MCC: variants seen among roughly 807,000 people sequenced by gnomAD.
MCC encodes colorectal mutant cancer protein.
MCC carries 90 observed loss-of-function variants against 116.2 expected under a neutral mutation model. The observed-to-expected ratio is 0.77, with a 90% confidence interval of 0.65 to 0.92. The LOEUF (loss-of-function observed/expected upper bound fraction) is 0.92, where lower values mean the gene tolerates loss of function less well. Ranked by LOEUF, MCC falls within the 40% of genes least tolerant of loss-of-function variation. The pLI is 0.00. For synonymous variants in MCC, 578 were observed against 510.5 expected (o/e 1.13, Z -1.78); for missense variants, 1,516 against 1,312.2 (o/e 1.16, Z -2.40).
chr5:113,455,061 C>A lies in MCC; in HGVS notation c.170+33184G>T, dbSNP rs7708265. The stretch of plus-strand genomic sequence containing the variant: ...AAGCATTTTATGTGCACTCCCTTTC[C>A]ACCTGTTTGCTTATCCTCCCACCGC... On this transcript the variant is annotated intron_variant, in intron 1 of 18. Transcript: ENST00000408903. 1.4e-3 allele frequency among the ~76,000 whole-genome samples: 218 copies of A among 152,266 alleles called. 1 individual carries two copies. The highest frequency in any genetic ancestry group is 5.0e-3 in the African/African-American group (208 of 41,548).
rs1186073705 is a variant in MCC at position 113,161,906 on chromosome 5, CG to C, written c.628-10485del. Reference sequence around the variant, plus strand: ...ATCAGTTTTAAAATGCTTGATGCCACGGCATGCTCCGTTTCAGGGAAGGCCC... The same window carrying C: ...ATCAGTTTTAAAATGCTTGATGCCACGCATGCTCCGTTTCAGGGAAGGCCC... On this transcript the variant is annotated intron_variant, in intron 3 of 18. Transcript: ENST00000408903. Among the ~76,000 whole-genome samples the C allele has an allele frequency of 2.0e-5, 3 of 152,204 alleles. No homozygotes were observed. In the East Asian group the frequency reaches 5.8e-4, roughly 29 times the overall value.
Position 113,070,044 on chromosome 5 carries a change from A to G in MCC, c.1925+1050T>C, listed in dbSNP as rs1208436156. Among the ~76,000 whole-genome samples the G allele has an allele frequency of 2.0e-5, 3 of 152,278 alleles. No individual in the cohort carries two copies. The South Asian group carries it at 6.2e-4, about 32-fold the overall frequency. ...TGAGGTTGTACTAATGTGGAGAAAG[A>G]CCTTTCTGCTCAAAGGCAGATTGTG... On this transcript the variant is annotated intron_variant, in intron 12 of 18. Transcript: ENST00000408903.
intron 3 of MCC, among the ~76,000 whole-genome samples, chr5:113,215,870 A>G (rs1763295760): frequency 6.6e-6 from 1 of 152,204 alleles, no homozygotes; most frequent in Non-Finnish European, 1.5e-5. Flanking sequence ...TCATTCTACA[A>G]ATATTTAGTA....
chr5:113,103,214 T>C (rs1276472388), intron 7 of MCC, among the ~76,000 whole-genome samples: 2 of 152,188 alleles, frequency 1.3e-5, no homozygotes, highest in African/African-American at 4.8e-5. Flanking sequence ...TGGATGCTCA[T>C]GTTGGTTCTC....
intron 3 of MCC, among the ~76,000 whole-genome samples, chr5:113,272,802 T>A (rs556981651): frequency 6.6e-6 from 1 of 152,338 alleles, no homozygotes; most frequent in South Asian, 2.1e-4. Flanking sequence ...TTATGGGACA[T>A]TACTCTGCTA....
intron 3 of MCC, among the ~76,000 whole-genome samples, chr5:113,325,958 T>A (rs1484485224): frequency 6.6e-6 from 1 of 152,174 alleles, no homozygotes; most frequent in African/African-American, 2.4e-5. Context: ...CTGTAAAAAG[T>A]AATCTGAGAT....
At position 113,444,587 on chromosome 5, in the gene MCC, G is replaced by A. The variant is rs180827844; in HGVS notation, c.170+43658C>T. 3.6e-3 allele frequency among the ~76,000 whole-genome samples: 550 copies of A among 151,092 alleles called. 4 individuals carry two copies. The highest frequency in any genetic ancestry group is 6.6e-3 in the Non-Finnish European group (447 of 67,700). On this transcript the variant is annotated intron_variant, in intron 1 of 18. Transcript: ENST00000408903. Reference sequence around the variant, plus strand: ...AGAACAATTAAGGGAAGGGTAGATCGCCACCTACGTGGTATTTGGCCTTCA... The same window carrying A: ...AGAACAATTAAGGGAAGGGTAGATCACCACCTACGTGGTATTTGGCCTTCA...
Position 113,049,179 on chromosome 5 carries a change from G to C in MCC, c.2569C>G (p.Leu857Val). Residue 857 changes from leucine to valine, a missense_variant, in exon 16 of 19, where the codon CTG becomes GTG. Leu to Val is a conservative substitution (Grantham distance 32). Coordinates refer to ENST00000408903, the MANE Select transcript of MCC (RefSeq NM_001085377.2). ...TTCTGCTCCTCCACCTCGGACTTCA[G>C]GTGCTCAATGTGCACCAGGTAGGCC... ...EQAYLVHIEH[L>V]KSEVEEQKEQ... 6.2e-7 allele frequency: 1 copy of C among 1,614,212 alleles called. No individual in the cohort carries two copies. Among genetic ancestry groups the C allele is most frequent in the Non-Finnish European group, 8.5e-7 (1 of 1,180,036 alleles).
intron 6 of MCC, among the ~76,000 whole-genome samples, chr5:113,118,116 T>C (rs1757496556): frequency 6.6e-6 from 1 of 152,212 alleles, no homozygotes; most frequent in African/African-American, 2.4e-5. Context: ...ATTTTACAGA[T>C]GAAGAGACCT....
At chr5:113,211,629 G>C (rs980831588) in intron 3 of MCC, among the ~76,000 whole-genome samples, 6 of 152,220 alleles carry the variant, frequency 3.9e-5, no homozygotes, top group African/African-American at 1.4e-4. Context: ...AACAGGCTCA[G>C]TGACTGCTTT....
chr5:113,169,940 T>A (rs1433520501), intron 3 of MCC, among the ~76,000 whole-genome samples: 1 of 152,218 alleles, frequency 6.6e-6, no homozygotes, highest in African/African-American at 2.4e-5. Flanking sequence ...CTACTCCAGC[T>A]TTTATGCATT....
intron 10 of MCC, 152 bp downstream of exon 10, chr5:113,083,949 T>C (rs1047060659): frequency 1.6e-6 from 1 of 616,530 alleles, no homozygotes; most frequent in African/African-American, 1.8e-5. Context: ...TACATTTTAA[T>C]TTAATCCTTT....
At chr5:113,409,900 A>T (rs6880552) in intron 1 of MCC, among the ~76,000 whole-genome samples, 55,288 of 152,014 alleles carry the variant, frequency 0.36, 12,760 homozygotes, top group African/African-American at 0.66. Context: ...TATTTTAATA[A>T]GGAAAATAGG....
chr5:113,022,560 C>G lies in MCC; in HGVS notation c.*4742G>C, dbSNP rs1222360148. 6.6e-6 allele frequency: 1 copy of G among 152,220 alleles called. No individual in the cohort carries two copies. The highest frequency in any genetic ancestry group is 1.5e-5 in the Non-Finnish European group (1 of 68,024). 9.4% of individuals were successfully genotyped at this position (152,220 alleles called of 1,614,324 possible). The stretch of plus-strand genomic sequence containing the variant: ...TTATTATCTTTGCATTACGTTCTAA[C>G]AAAAGCAGATTATCAGGGGCTCTTA... On this transcript the variant is annotated 3_prime_UTR_variant, in exon 19 of 19. Transcript: ENST00000408903.
intron 3 of MCC, among the ~76,000 whole-genome samples, chr5:113,210,989 GAC>G (rs764993511): frequency 6.6e-5 from 10 of 152,202 alleles, no homozygotes; most frequent in Non-Finnish European, 1.3e-4. Flanking sequence ...GGTTAGAAAA[GAC>G]TTCTCACTGG....
intron 3 of MCC, among the ~76,000 whole-genome samples, chr5:113,206,075 C>G (rs891430150): frequency 2.6e-5 from 4 of 152,234 alleles, no homozygotes; most frequent in Non-Finnish European, 5.9e-5. Context: ...TCCTGCAGGA[C>G]TGCTCCAAGA....
chr5:113,407,073 A>C (rs1161263575), intron 1 of MCC, among the ~76,000 whole-genome samples: 7 of 152,224 alleles, frequency 4.6e-5, no homozygotes, highest in Non-Finnish European at 1.0e-4. Context: ...CTTAAGATAA[A>C]AAGGCAGAAA....
intron 1 of MCC, among the ~76,000 whole-genome samples, chr5:113,423,656 C>A (rs995025511): frequency 6.6e-6 from 1 of 152,118 alleles, no homozygotes; most frequent in Non-Finnish European, 1.5e-5. Context: ...ATTGGCCAGG[C>A]TCAGAAATAG....
intron 12 of MCC, among the ~76,000 whole-genome samples, chr5:113,068,546 C>T (rs1020384237): frequency 1.5e-4 from 23 of 152,248 alleles, no homozygotes; most frequent in African/African-American, 5.5e-4. Flanking sequence ...TGTGCTGTCC[C>T]CCATCTGCAC....
Sources: allele counts gnomAD v4.1 joint callset (sites outside exome capture counted in the v4.1 genomes callset), GRCh38; gene constraint gnomAD v4.1.1; transcripts MANE v1.5; gene names NCBI Gene and HGNC (gene_info 2026-07-23, HGNC 2026-07-21).